Variants in PLCB1 observed in about 807,000 individuals in gnomAD.
The protein encoded by PLCB1 is phospholipase C beta 1, also known as 1-phosphatidylinositol 4,5-bisphosphate phosphodiesterase beta-1.
Under a neutral mutation model 161.8 loss-of-function variants are expected in PLCB1, and 46 were observed. That is an observed-to-expected ratio of 0.28 (90% CI 0.22 to 0.36). The LOEUF is 0.36. Among genes scored for constraint, PLCB1 ranks in the 10% least tolerant of loss-of-function variants. PLCB1 has a pLI of 1.00. For missense variants in PLCB1, 1,016 were observed against 1,472.5 expected (o/e 0.69, Z 5.07); for synonymous variants, 517 against 503.7 (o/e 1.03, Z -0.35).
intron 2 of PLCB1, among the ~76,000 whole-genome samples, chr20:8,243,383 C>A (rs1307793259): frequency 6.6e-6 from 1 of 151,918 alleles, no homozygotes; most frequent in African/African-American, 2.4e-5. Context: ...AGGACCTAGC[C>A]ATTCTGTAAT....
chr20:8,260,988 C>T (rs1475883309), intron 2 of PLCB1, among the ~76,000 whole-genome samples: 2 of 152,138 alleles, frequency 1.3e-5, no homozygotes, highest in Non-Finnish European at 2.9e-5. Flanking sequence ...AAAGAAAGCA[C>T]GGCTGCCTTG....
intron 3 of PLCB1, among the ~76,000 whole-genome samples, chr20:8,565,273 TG>T (rs1986291066): frequency 6.6e-6 from 1 of 151,882 alleles, no homozygotes; most frequent in Non-Finnish European, 1.5e-5. Context: ...CACTCATAAG[TG>T]GGAGTTGAAC....
chr20:8,217,633 A>G (rs1444979422), intron 2 of PLCB1, among the ~76,000 whole-genome samples: 1 of 152,156 alleles, frequency 6.6e-6, no homozygotes, highest in Non-Finnish European at 1.5e-5. Flanking sequence ...AGAGCTGAAG[A>G]TCTTGAGGAA....
intron 1 of PLCB1, 90 bp from the exon 2 acceptor site, chr20:8,150,204 T>G (rs2051495547): frequency 1.9e-6 from 1 of 523,510 alleles, no homozygotes; most frequent in Admixed American, 3.4e-5. Flanking sequence ...CTTTGGAGAA[T>G]CTGTACAATT....
Position 8,788,452 on chromosome 20 carries a change from A to G in PLCB1, c.3115A>G (p.Ile1039Val). 1 of 1,612,730 alleles carries G rather than the reference A, an allele frequency of 6.2e-7. No homozygotes were observed. The highest frequency in any genetic ancestry group is 8.5e-7 in the Non-Finnish European group (1 of 1,179,564). The change falls in exon 28 of 32, where the codon ATT becomes GTT. Residue 1039 changes from isoleucine (I) to valine (V), a missense_variant. Ile to Val is a conservative substitution (Grantham distance 29). Coordinates refer to ENST00000338037, the MANE Select transcript of PLCB1 (RefSeq NM_015192.4). Reference protein sequence around the residue: ...YQKREHIKLLIQKLTDVAEEC... With the variant: ...YQKREHIKLLVQKLTDVAEEC... The stretch of plus-strand genomic sequence containing the variant: ...AACTGACATTTTCTTTTTCCAGCTT[A>G]TTCAAAAGTTGACGGATGTCGCAGA...
intron 31 of PLCB1, among the ~76,000 whole-genome samples, chr20:8,846,639 C>G (rs1280847998): frequency 6.6e-6 from 1 of 152,158 alleles, no homozygotes; most frequent in East Asian, 1.9e-4. Context: ...AAACTAGTAG[C>G]TTAAACACCA....
intron 27 of PLCB1, among the ~76,000 whole-genome samples, chr20:8,787,366 C>T (rs1016671364): frequency 2.0e-5 from 3 of 152,190 alleles, no homozygotes; most frequent in Non-Finnish European, 2.9e-5. Context: ...TGCAGTTTTT[C>T]CGGGGACTCC....
chr20:8,202,751 C>A (rs1978328440), intron 2 of PLCB1, among the ~76,000 whole-genome samples: 2 of 152,118 alleles, frequency 1.3e-5, no homozygotes, highest in Admixed American at 1.3e-4. Context: ...GGTTTGCCTG[C>A]AATAATCACA....
intron 3 of PLCB1, among the ~76,000 whole-genome samples, chr20:8,506,633 G>T (rs1414244971): frequency 1.3e-5 from 2 of 152,112 alleles, no homozygotes; most frequent in Non-Finnish European, 2.9e-5. Context: ...TTTATAGGGT[G>T]AATTGCCAAA....
chr20:8,427,113 G>C (rs1372551555), intron 3 of PLCB1, among the ~76,000 whole-genome samples: 2 of 152,106 alleles, frequency 1.3e-5, no homozygotes, highest in South Asian at 2.1e-4. Context: ...GTTTCACCAT[G>C]TTGGACGGGC....
intron 3 of PLCB1, among the ~76,000 whole-genome samples, chr20:8,548,516 CCTCCCT>C (rs1985652479): frequency 6.6e-6 from 1 of 151,054 alleles, no homozygotes; most frequent in African/African-American, 2.4e-5. Context: ...TTCCTCCCTC[CCTCCCT>C]CTCTCTCTTT....
intron 3 of PLCB1, among the ~76,000 whole-genome samples, chr20:8,548,211 TTC>T: frequency 1.4e-5 from 1 of 70,200 alleles, no homozygotes; most frequent in South Asian, 4.0e-4. Context: ...TTTTCTTTCC[TTC>T]CTTCCTTCCT....
At chr20:8,758,021 A>G (rs1981827542) in intron 24 of PLCB1, among the ~76,000 whole-genome samples, 1 of 151,772 alleles carries the variant, frequency 6.6e-6, no homozygotes, top group South Asian at 2.1e-4. Flanking sequence ...GTAGACTTCA[A>G]TTTGATGCCT....
intron 2 of PLCB1, among the ~76,000 whole-genome samples, chr20:8,230,056 C>CAAAAAAAAAAAAA (rs547874616): frequency 6.8e-5 from 4 of 58,870 alleles, no homozygotes; most frequent in African/African-American, 8.8e-5. Flanking sequence ...GACTTGGCAG[C>CAAAAAAAAAAAAA]AAAAAAAAAA....
chr20:8,570,171 C>G (rs1352970153), intron 3 of PLCB1, among the ~76,000 whole-genome samples: 2 of 152,150 alleles, frequency 1.3e-5, no homozygotes, highest in Non-Finnish European at 2.9e-5. Context: ...TTTTATCCCT[C>G]AACCATTGAA....
intron 3 of PLCB1, among the ~76,000 whole-genome samples, chr20:8,490,861 C>CAT (rs111442214): frequency 0.053 from 7,533 of 141,798 alleles, 538 homozygotes; most frequent in African/African-American, 0.16. Context: ...TATATATAGG[C>CAT]ATATATATAT....
chr20:8,148,957 A>C (rs766887581), intron 1 of PLCB1, among the ~76,000 whole-genome samples: 1 of 152,212 alleles, frequency 6.6e-6, no homozygotes, highest in Non-Finnish European at 1.5e-5. Context: ...TGCATGTGGC[A>C]TTTCAATTTG....
intron 3 of PLCB1, among the ~76,000 whole-genome samples, chr20:8,583,819 C>T (rs763833150): frequency 1.3e-5 from 2 of 152,136 alleles, no homozygotes; most frequent in Admixed American, 6.5e-5. Flanking sequence ...GAAATGTAGG[C>T]AGCAGGCAAT....
chr20:8,423,235 C>A (rs1366665301), intron 3 of PLCB1, among the ~76,000 whole-genome samples: 2 of 152,150 alleles, frequency 1.3e-5, no homozygotes, highest in Non-Finnish European at 2.9e-5. Flanking sequence ...TTTGTTCTTC[C>A]CTGTACTCCT....
Sources: allele counts gnomAD v4.1 joint callset (sites outside exome capture counted in the v4.1 genomes callset), GRCh38; gene constraint gnomAD v4.1.1; transcripts MANE v1.5; gene names NCBI Gene and HGNC (gene_info 2026-07-23, HGNC 2026-07-21).